The following RGS6 variants were observed in gnomAD, a reference collection of about 807,000 sequenced individuals.
RGS6 encodes the protein regulator of G protein signaling 6.
RGS6 carries 30 observed loss-of-function variants against 78.5 expected under a neutral mutation model. The observed-to-expected ratio is 0.38, with a 90% CI of 0.29 to 0.52. RGS6 has a LOEUF of 0.52. RGS6 is among the 20% of genes least tolerant of loss of function. The pLI is 0.85. For missense variants in RGS6, 495 were observed against 609.7 expected (o/e 0.81, Z 1.98); for synonymous variants, 206 against 206.0 (o/e 1.00, Z 0.00).
intron 3 of RGS6, among the ~76,000 whole-genome samples, chr14:72,407,816 A>G (rs898229560): frequency 1.3e-4 from 20 of 152,338 alleles, no homozygotes; most frequent in Admixed American, 1.2e-3. Flanking sequence ...CAAGAGCACC[A>G]TTACTACTGT....
At chr14:72,543,835 A>G (rs2097357284) in intron 17 of RGS6, among the ~76,000 whole-genome samples, 1 of 152,228 alleles carries the variant, frequency 6.6e-6, no homozygotes, top group Non-Finnish European at 1.5e-5. Context: ...TCCTAGGTTC[A>G]AGCGATTCTC....
intron 2 of RGS6, among the ~76,000 whole-genome samples, chr14:72,040,358 T>C (rs1209898379): frequency 1.3e-5 from 2 of 152,046 alleles, no homozygotes; most frequent in Non-Finnish European, 1.5e-5. Context: ...TCTCCTTCAT[T>C]TTTGAGTGAC....
intron 2 of RGS6, among the ~76,000 whole-genome samples, chr14:72,196,436 T>G (rs2040177393): frequency 6.6e-6 from 1 of 152,200 alleles, no homozygotes; most frequent in African/African-American, 2.4e-5. Context: ...GGAGCAGAGC[T>G]GAGCCTCCCC....
the RGS6 span, among the ~76,000 whole-genome samples, chr14:72,586,267 C>A: frequency 4.6e-5 from 7 of 152,160 alleles, no homozygotes; most frequent in East Asian, 1.3e-3. Flanking sequence ...GGCATGGTGG[C>A]CGGTGTTTGG....
chr14:71,924,387 T>C, the RGS6 span, among the ~76,000 whole-genome samples: 705 of 152,356 alleles, frequency 4.6e-3, 6 homozygotes, highest in African/African-American at 0.016. Context: ...GTTACCTTTT[T>C]GGTGTGCTTG....
chr14:72,139,402 T>C (rs1319535951), intron 2 of RGS6, among the ~76,000 whole-genome samples: 1 of 152,240 alleles, frequency 6.6e-6, no homozygotes, highest in Non-Finnish European at 1.5e-5. Flanking sequence ...CTTAATGTTT[T>C]GTAGCTTTGT....
chr14:72,232,905 T>C (rs1159428508), intron 2 of RGS6, among the ~76,000 whole-genome samples: 2 of 152,162 alleles, frequency 1.3e-5, no homozygotes, highest in Non-Finnish European at 2.9e-5. Context: ...CTGGCGTGCA[T>C]GCAGCCTGTA....
At chr14:72,195,440 A>G (rs1162166088) in intron 2 of RGS6, among the ~76,000 whole-genome samples, 1 of 152,140 alleles carries the variant, frequency 6.6e-6, no homozygotes, top group East Asian at 1.9e-4. Flanking sequence ...AAGCCATAAG[A>G]CCAGATGAGG....
intron 2 of RGS6, among the ~76,000 whole-genome samples, chr14:72,011,648 T>G (rs2085758227): frequency 6.6e-6 from 1 of 152,186 alleles, no homozygotes; most frequent in Admixed American, 6.5e-5. Context: ...GCATTTATAT[T>G]GTATTAGGTA....
chr14:72,006,756 T>G (rs1337250435), intron 2 of RGS6, among the ~76,000 whole-genome samples: 1 of 152,262 alleles, frequency 6.6e-6, no homozygotes, highest in East Asian at 1.9e-4. Context: ...TAGGATAGTT[T>G]ATTATGCATC....
chr14:72,147,058 T>C (rs2096615717), intron 2 of RGS6, among the ~76,000 whole-genome samples: 1 of 152,214 alleles, frequency 6.6e-6, no homozygotes, highest in Admixed American at 6.5e-5. Flanking sequence ...GCCATTACTG[T>C]CCATGTTTCT....
At chr14:72,060,084 C>A (rs1391532783) in intron 2 of RGS6, among the ~76,000 whole-genome samples, 1 of 152,144 alleles carries the variant, frequency 6.6e-6, no homozygotes, top group Non-Finnish European at 1.5e-5. Context: ...TCGTCTCTAC[C>A]TACCAAGGTC....
chr14:71,879,362 A>G, the RGS6 span, among the ~76,000 whole-genome samples: 1 of 152,208 alleles, frequency 6.6e-6, no homozygotes, highest in Non-Finnish European at 1.5e-5. Flanking sequence ...GTGTGGCTTA[A>G]GAGAATTGAC....
chr14:72,427,988 G>A (rs2094494387), intron 3 of RGS6, among the ~76,000 whole-genome samples: 1 of 152,130 alleles, frequency 6.6e-6, no homozygotes, highest in African/African-American at 2.4e-5. Flanking sequence ...GGCAGAGGTG[G>A]GAGCAGGTGA....
chr14:72,474,498 G>GAAA, intron 9 of RGS6, 127 bp from the exon 10 acceptor site: 3 of 843,752 alleles, frequency 3.6e-6, no homozygotes, highest in Non-Finnish European at 5.5e-6. Flanking sequence ...ATGGCAAAAT[G>GAAA]GAAAAAAAAA....
intron 2 of RGS6, among the ~76,000 whole-genome samples, chr14:72,330,486 G>A (rs144550790): frequency 1.8e-3 from 271 of 152,310 alleles, no homozygotes; most frequent in Non-Finnish European, 3.0e-3. Flanking sequence ...GACTCAAGGA[G>A]GCCCAATACC....
chr14:72,205,081 T>C (rs1429032516), intron 2 of RGS6, among the ~76,000 whole-genome samples: 1 of 152,158 alleles, frequency 6.6e-6, no homozygotes. Flanking sequence ...CAATACAAAA[T>C]ATGATTCCTA....
intron 1 of RGS6, among the ~76,000 whole-genome samples, chr14:71,962,321 T>G (rs1216394468): frequency 3.3e-5 from 5 of 152,174 alleles, no homozygotes; most frequent in Non-Finnish European, 5.9e-5. Context: ...GAGGGAGGCC[T>G]GACACGTTTG....
intron 2 of RGS6, among the ~76,000 whole-genome samples, chr14:72,334,177 C>T (rs76103577): frequency 6.6e-6 from 1 of 152,230 alleles, no homozygotes; most frequent in African/African-American, 2.4e-5. Flanking sequence ...TGTGTGCTCA[C>T]CCCTACATTT....
Sources: gnomAD v4.1 joint callset for allele counts (sites outside exome capture counted in the v4.1 genomes callset) on GRCh38, gnomAD v4.1.1 for gene constraint, MANE v1.5 for transcripts, NCBI Gene and HGNC (gene_info 2026-07-23, HGNC 2026-07-21) for gene names.